Variants in DSCAM observed in about 807,000 individuals in gnomAD.
The protein encoded by DSCAM is DS cell adhesion molecule.
In DSCAM, 47 loss-of-function variants were observed where a neutral mutation model predicts 217.7. The ratio of observed to expected loss-of-function variants is 0.22; its 90% CI spans 0.17 to 0.28. DSCAM has a LOEUF of 0.28. Among genes scored for constraint, DSCAM ranks in the 10% least tolerant of loss-of-function variants. DSCAM has a pLI of 1.00. For synonymous variants in DSCAM, 1,056 were observed against 1,015.3 expected (o/e 1.04, Z -0.76); for missense variants, 2,080 against 2,618.3 (o/e 0.79, Z 4.49).
intron 3 of DSCAM, among the ~76,000 whole-genome samples, chr21:40,477,861 A>G (rs1365978118): frequency 6.6e-6 from 1 of 152,224 alleles, no homozygotes; most frequent in Non-Finnish European, 1.5e-5. Context: ...ACTTGTCAGT[A>G]AAGTGTAATA....
chr21:40,663,265 TGTG>T (rs1391897244), intron 3 of DSCAM, among the ~76,000 whole-genome samples: 42 of 72,228 alleles, frequency 5.8e-4, no homozygotes, highest in East Asian at 1.8e-3. Flanking sequence ...AAAGTGTGTG[TGTG>T]GGGGGGGTGT....
chr21:40,782,855 G>A (rs1408660042), intron 1 of DSCAM, among the ~76,000 whole-genome samples: 1 of 152,314 alleles, frequency 6.6e-6, no homozygotes, highest in African/African-American at 2.4e-5. Flanking sequence ...TAATGCAAGT[G>A]ACCTTCCACT....
At chr21:40,667,337 T>A (rs1362121090) in intron 3 of DSCAM, among the ~76,000 whole-genome samples, 1 of 152,196 alleles carries the variant, frequency 6.6e-6, no homozygotes, top group Non-Finnish European at 1.5e-5. Flanking sequence ...TGAAATGCAG[T>A]CCCGAGCAGG....
At chr21:40,600,359 G>A (rs560877091) in intron 3 of DSCAM, among the ~76,000 whole-genome samples, 118 of 152,188 alleles carry the variant, frequency 7.8e-4, no homozygotes, top group East Asian at 1.9e-3. Flanking sequence ...TTCTTGCTAC[G>A]TCCTCACATG....
intron 20 of DSCAM, among the ~76,000 whole-genome samples, chr21:40,098,345 C>T (rs748862767): frequency 4.6e-5 from 7 of 152,098 alleles, no homozygotes; most frequent in Non-Finnish European, 8.8e-5. Flanking sequence ...GAGACATAGA[C>T]CTAGATAGGT....
intron 1 of DSCAM, among the ~76,000 whole-genome samples, chr21:40,724,094 T>C (rs1325813374): frequency 1.3e-5 from 2 of 152,212 alleles, no homozygotes; most frequent in Non-Finnish European, 2.9e-5. Context: ...CTCATTAACA[T>C]TGCTAGGGGT....
chr21:40,182,596 G>GTTAC (rs2090823857), intron 14 of DSCAM, among the ~76,000 whole-genome samples: 1 of 113,956 alleles, frequency 8.8e-6, no homozygotes, highest in Non-Finnish European at 1.7e-5. Flanking sequence ...GGAGGGGCCA[G>GTTAC]CAGAGAAACC....
At chr21:40,228,393 C>T (rs542681140) in intron 11 of DSCAM, among the ~76,000 whole-genome samples, 5 of 152,180 alleles carry the variant, frequency 3.3e-5, no homozygotes, top group African/African-American at 9.6e-5. Context: ...GCTATTGTTA[C>T]CATTTATTCA....
At chr21:40,277,621 C>T (rs375876456) in intron 10 of DSCAM, among the ~76,000 whole-genome samples, 12 of 150,952 alleles carry the variant, frequency 7.9e-5, no homozygotes, top group South Asian at 2.1e-4. Flanking sequence ...AGGGGACATA[C>T]GACAACCTGA....
intron 8 of DSCAM, among the ~76,000 whole-genome samples, chr21:40,319,437 A>ATGTGTGTGTGTGTGTGTGTGTG (rs536367981): frequency 2.6e-5 from 4 of 151,490 alleles, no homozygotes; most frequent in African/African-American, 9.7e-5. Context: ...TCGTGTGTGC[A>ATGTGTGTGTGTGTGTGTGTGTG]TGTGTGTGTG....
At chr21:40,528,466 T>C (rs1214458287) in intron 3 of DSCAM, among the ~76,000 whole-genome samples, 1 of 152,222 alleles carries the variant, frequency 6.6e-6, no homozygotes, top group Non-Finnish European at 1.5e-5. Context: ...GCCATTGCCC[T>C]GAATTTTCTA....
At chr21:40,246,411 C>T (rs2073226332) in intron 11 of DSCAM, among the ~76,000 whole-genome samples, 1 of 125,504 alleles carries the variant, frequency 8.0e-6, no homozygotes, top group African/African-American at 3.1e-5. Context: ...TGTGGTGGTG[C>T]ATGCCTGTAG....
chr21:40,368,557 A>G (rs954844363), intron 4 of DSCAM, among the ~76,000 whole-genome samples: 2 of 152,262 alleles, frequency 1.3e-5, no homozygotes, highest in African/African-American at 4.8e-5. Flanking sequence ...GTGGGTGCTC[A>G]GGCAGTGATG....
chr21:40,790,574 C>T (rs1601263367), intron 1 of DSCAM, among the ~76,000 whole-genome samples: 2 of 152,196 alleles, frequency 1.3e-5, no homozygotes, highest in East Asian at 3.9e-4. Context: ...AAAGAACACT[C>T]TATGGGATGA....
chr21:40,549,078 G>A (rs926225660), intron 3 of DSCAM, among the ~76,000 whole-genome samples: 18 of 152,154 alleles, frequency 1.2e-4, no homozygotes, highest in African/African-American at 3.4e-4. Flanking sequence ...GGTGGTGTGC[G>A]CCCGAGGTCC....
At chr21:40,032,154 G>A (rs561310338) in intron 32 of DSCAM, among the ~76,000 whole-genome samples, 14 of 152,302 alleles carry the variant, frequency 9.2e-5, no homozygotes, top group African/African-American at 3.1e-4. Flanking sequence ...CCCAGCTAGG[G>A]TTCTGCTTCA....
At position 40,492,363 on chromosome 21, in the gene DSCAM, A is replaced by T. The variant is rs2076082415; in HGVS notation, c.509-123118T>A. ...ACTTCCCACCACACTCCCAGAGCAG[A>T]TTCCAAGACCAAAGAAATAAAATAA... On this transcript the variant is annotated intron_variant, in intron 3 of 32. Transcript: ENST00000400454. 3.3e-5 allele frequency among the ~76,000 whole-genome samples: 5 copies of T among 152,184 alleles called. No homozygotes were observed. In the South Asian group the frequency reaches 1.0e-3, roughly 31 times the overall value.
At chr21:40,197,106 A>ATTTC (rs1209927691) in intron 11 of DSCAM, among the ~76,000 whole-genome samples, 3 of 149,138 alleles carry the variant, frequency 2.0e-5, no homozygotes, top group Non-Finnish European at 2.9e-5. Context: ...TTTCTCCTTA[A>ATTTC]TTTCTTTCTT....
intron 3 of DSCAM, among the ~76,000 whole-genome samples, chr21:40,563,778 ATATGTT>A (rs1240887704): frequency 1.3e-4 from 19 of 147,972 alleles, no homozygotes; most frequent in Non-Finnish European, 2.7e-4. Context: ...ATGTTTATAT[ATATGTT>A]TATATGTTTA....
Sources: allele counts gnomAD v4.1 joint callset (sites outside exome capture counted in the v4.1 genomes callset), GRCh38; gene constraint gnomAD v4.1.1; transcripts MANE v1.5; gene names NCBI Gene and HGNC (gene_info 2026-07-23, HGNC 2026-07-21).